Variants in AAK1 observed in about 807,000 individuals in gnomAD.
AAK1 encodes AP2 associated kinase 1, also known as AP2-associated protein kinase 1.
A neutral mutation model predicts 116.0 loss-of-function variants in AAK1; 37 were observed. The observed-to-expected ratio is 0.32, with a 90% CI of 0.25 to 0.42. The LOEUF is 0.42. AAK1 is among the 10% of genes least tolerant of loss of function. The pLI, the probability that AAK1 is intolerant of heterozygous loss-of-function variation, is 1.00. For synonymous variants in AAK1, 458 were observed against 439.9 expected, an observed-to-expected ratio of 1.04 and a Z score of -0.51; for missense variants, 919 against 1,170.6, an observed-to-expected ratio of 0.79 and a Z score of 3.14.
chr2:69,600,843 C>A (rs544300654), intron 2 of AAK1, among the ~76,000 whole-genome samples: 21 of 152,282 alleles, frequency 1.4e-4, no homozygotes, highest in African/African-American at 4.3e-4. Flanking sequence ...TGGAAAACTT[C>A]ATTGTTGTCT....
At chr2:69,574,254 C>G (rs547162653) in intron 2 of AAK1, among the ~76,000 whole-genome samples, 1 of 150,950 alleles carries the variant, frequency 6.6e-6, no homozygotes, top group Admixed American at 6.6e-5. Context: ...ACCTGTAATC[C>G]CAGCTACTCG....
intron 9 of AAK1, among the ~76,000 whole-genome samples, chr2:69,526,877 C>T (rs1412113585): frequency 6.6e-6 from 1 of 152,186 alleles, no homozygotes; most frequent in Non-Finnish European, 1.5e-5. Context: ...GGAAAGTAGC[C>T]TGCCTGTAAT....
intron 20 of AAK1, 71 bp from the exon 21 acceptor site, chr2:69,477,061 G>C: frequency 1.0e-6 from 1 of 980,790 alleles, no homozygotes; most frequent in Non-Finnish European, 1.6e-6. Flanking sequence ...GAATGTGAAA[G>C]AGGCACAAAG....
intron 10 of AAK1, among the ~76,000 whole-genome samples, chr2:69,521,494 G>T (rs1399373021): frequency 6.6e-6 from 1 of 152,152 alleles, no homozygotes; most frequent in African/African-American, 2.4e-5. Flanking sequence ...TCCAACATGG[G>T]AACTGGAAGG....
Position 69,461,843 on chromosome 2 carries a change from C to G in AAK1, c.*14026G>C, listed in dbSNP as rs930282982. On this transcript the variant is annotated 3_prime_UTR_variant, in exon 22 of 22. Transcript: ENST00000409085. ...CTACCCTCAAGTGATCCACCCACCT[C>G]GGCCTCCCAAAGTGCTGGGATTACA... is the stretch of plus-strand genomic sequence containing the variant. 4.3e-6 allele frequency: 1 copy of G among 232,552 alleles called. No individual in the cohort carries two copies. The highest frequency in any genetic ancestry group is 8.7e-6 in the Non-Finnish European group (1 of 114,350). 14.4% of individuals were successfully genotyped at this position (232,552 alleles called of 1,614,324 possible).
intron 17 of AAK1, among the ~76,000 whole-genome samples, chr2:69,486,586 G>C (rs566003901): frequency 1.8e-4 from 27 of 152,096 alleles, no homozygotes; most frequent in Non-Finnish European, 3.1e-4. Context: ...TGGACTCCCA[G>C]GACTCTCACA....
chr2:69,474,439 A>C lies in AAK1; in HGVS notation c.*1430T>G. ...TACACTTTAATGAGTAAGTACATAT[A>C]GAGAGGGTGACCATGAGGCATGTTG... On this transcript the variant is annotated 3_prime_UTR_variant, in exon 22 of 22. Coordinates refer to ENST00000409085, the MANE Select transcript of AAK1 (RefSeq NM_014911.5). 1 of 985,736 alleles carries C rather than the reference A, an allele frequency of 1.0e-6. No homozygotes were observed. Among genetic ancestry groups the C allele is most frequent in the Non-Finnish European group, 1.2e-6 (1 of 829,926 alleles). 61.1% of individuals were successfully genotyped at this position (985,736 alleles called of 1,614,324 possible).
rs1405447346 is a variant in AAK1, at chr2:69,509,002, T to C, written c.2006+229A>G. Among the ~76,000 whole-genome samples, 4 of 152,186 alleles carry C rather than the reference T, an allele frequency of 2.6e-5. No homozygotes were observed. In the East Asian group the frequency reaches 7.7e-4, roughly 29 times the overall value. ...GTAGGAAAAGATTTCTTAAGATTAG[T>C]ATGGCCCATGCACTAAAGACAAATT... On this transcript the variant is annotated intron_variant, in intron 14 of 21. Coordinates refer to ENST00000409085, the MANE Select transcript of AAK1 (RefSeq NM_014911.5).
At position 69,519,093 on chromosome 2, in the gene AAK1, A is replaced by G. The variant is rs1351135700; in HGVS notation, c.1358T>C (p.Leu453Pro). 6.4e-7 allele frequency: 1 copy of G among 1,552,588 alleles called. No homozygotes were observed. Among genetic ancestry groups the G allele is most frequent in the Non-Finnish European group, 8.7e-7 (1 of 1,147,470 alleles). The change falls in exon 12 of 22, where the codon CTG (leucine) becomes CCG (proline). Residue 453 changes from leucine (L) to proline (P), a missense_variant. Coordinates refer to ENST00000409085, the MANE Select transcript of AAK1 (RefSeq NM_014911.5). Reference protein sequence around the residue: ...QQTPSTQAQGLPAQAQATPQH... With the variant: ...QQTPSTQAQGPPAQAQATPQH... ...GGGTGTGGCCTGGGCCTGAGCGGGCAGACCCTGGGCCTGAGTAGAAGGCGT... is the reference window on the plus strand; with the variant it reads ...GGGTGTGGCCTGGGCCTGAGCGGGCGGACCCTGGGCCTGAGTAGAAGGCGT...
chr2:69,526,571 G>T (rs561585113), intron 9 of AAK1, among the ~76,000 whole-genome samples: 2 of 152,256 alleles, frequency 1.3e-5, no homozygotes, highest in South Asian at 4.1e-4. Flanking sequence ...GCCTCCCAAA[G>T]TGCTGGGATT....
intron 2 of AAK1, among the ~76,000 whole-genome samples, chr2:69,567,590 A>G (rs6737646): frequency 0.022 from 3,382 of 152,220 alleles, 136 homozygotes; most frequent in African/African-American, 0.077. Context: ...CAAAACTACA[A>G]TGACAGCAAC....
At chr2:69,529,805 T>G (rs1055167042) in intron 8 of AAK1, among the ~76,000 whole-genome samples, 3 of 152,140 alleles carry the variant, frequency 2.0e-5, no homozygotes, top group African/African-American at 4.8e-5. Context: ...GGCTCAGGTG[T>G]GAAACAGAAC....
intron 2 of AAK1, among the ~76,000 whole-genome samples, chr2:69,622,366 C>T (rs537806123): frequency 3.8e-4 from 58 of 152,040 alleles, no homozygotes; most frequent in African/African-American, 6.7e-4. Flanking sequence ...CCCCGACGAG[C>T]GCCACCCCCT....
chr2:69,544,743 C>CT (rs1670856512), intron 3 of AAK1, among the ~76,000 whole-genome samples, 199 bp from the exon 4 acceptor site: 2 of 152,160 alleles, frequency 1.3e-5, no homozygotes, highest in South Asian at 2.1e-4. Flanking sequence ...AATTCCATAA[C>CT]CCTACTAAAC....
At chr2:69,558,359 A>G (rs1671482872) in intron 2 of AAK1, among the ~76,000 whole-genome samples, 1 of 149,794 alleles carries the variant, frequency 6.7e-6, no homozygotes, top group Non-Finnish European at 1.5e-5. Flanking sequence ...AAAAAAATGT[A>G]TATAACTCTA....
At chr2:69,493,196 A>G (rs1489875906) in intron 17 of AAK1, among the ~76,000 whole-genome samples, 3 of 149,806 alleles carry the variant, frequency 2.0e-5, no homozygotes, top group Non-Finnish European at 4.4e-5. Context: ...TGGCCTTGAT[A>G]TAGAAGCTGT....
chr2:69,466,800 A>G lies in AAK1; in HGVS notation c.*9069T>C, dbSNP rs1033947487. ...GAAAGGAGATGAAGATGTTAGGCAC[A>G]CAGACATTCAGCGTAACTATGCAAT... is the stretch of plus-strand genomic sequence containing the variant. On this transcript the variant is annotated 3_prime_UTR_variant, in exon 22 of 22. Coordinates refer to ENST00000409085, the MANE Select transcript of AAK1 (RefSeq NM_014911.5). The G allele has an allele frequency of 1.8e-5, 18 of 985,256 alleles. No individual in the cohort carries two copies. The highest frequency in any genetic ancestry group is 6.1e-5 in the Admixed American group (1 of 16,270). The allele number at this position is 985,256 out of a possible 1,614,324, so 61.0% of individuals were successfully genotyped here.
intron 13 of AAK1, among the ~76,000 whole-genome samples, chr2:69,511,407 A>G (rs940402120): frequency 6.6e-6 from 1 of 152,232 alleles, no homozygotes. Context: ...TCTAATATCA[A>G]TCAGAGGTTA....
chr2:69,622,564 T>C (rs1674697839), intron 2 of AAK1, among the ~76,000 whole-genome samples: 1 of 152,210 alleles, frequency 6.6e-6, no homozygotes, highest in Non-Finnish European at 1.5e-5. Context: ...AGTACACCAA[T>C]CGACACTCTG....
Sources: allele counts gnomAD v4.1 joint callset (sites outside exome capture counted in the v4.1 genomes callset), GRCh38; gene constraint gnomAD v4.1.1; transcripts MANE v1.5; gene names NCBI Gene and HGNC (gene_info 2026-07-23, HGNC 2026-07-21).